The following DGKB variants were observed in gnomAD, a reference collection of about 807,000 sequenced individuals.
DGKB encodes the protein diacylglycerol kinase beta.
DGKB carries 67 observed loss-of-function variants against 114.3 expected under a neutral mutation model. The observed-to-expected ratio is 0.59, with a 90% CI of 0.48 to 0.72. DGKB has a LOEUF of 0.72. Ranked by LOEUF, DGKB falls within the 30% of genes least tolerant of loss-of-function variation. The pLI, the probability that DGKB is intolerant of heterozygous loss-of-function variation, is 0.00. For missense variants in DGKB, 907 were observed against 975.2 expected (o/e 0.93, Z 0.93); for synonymous variants, 398 against 323.1 (o/e 1.23, Z -2.49).
chr7:14,754,633 A>G (rs970559773), intron 3 of DGKB, among the ~76,000 whole-genome samples: 1 of 152,128 alleles, frequency 6.6e-6, no homozygotes, highest in African/African-American at 2.4e-5. Flanking sequence ...ACCAAATTCT[A>G]CTGCTCTCAG....
intron 12 of DGKB, among the ~76,000 whole-genome samples, chr7:14,675,249 T>C (rs775665427): frequency 6.6e-6 from 1 of 152,132 alleles, no homozygotes; most frequent in Non-Finnish European, 1.5e-5. Context: ...CTGAGTCTTA[T>C]GCCAACGCTG....
At position 14,366,796 on chromosome 7, in the gene DGKB, G is replaced by C. The variant is rs17168109; in HGVS notation, c.1836-21405C>G. ...AGTAAAAGCTAAGTATCAGATTTGA[G>C]CTTCAATTTTCTTCAAAGATTTTCT... On this transcript the variant is annotated intron_variant, in intron 21 of 25. Coordinates refer to ENST00000402815, the MANE Select transcript of DGKB (RefSeq NM_001350709.2). 5.3e-5 allele frequency among the ~76,000 whole-genome samples: 8 copies of C among 152,020 alleles called. No homozygotes were observed. In the East Asian group the frequency reaches 1.6e-3, roughly 30 times the overall value.
chr7:14,699,421 C>A (rs889690867), intron 7 of DGKB, among the ~76,000 whole-genome samples: 1 of 151,968 alleles, frequency 6.6e-6, no homozygotes, highest in Admixed American at 6.6e-5. Flanking sequence ...ATTAGGTAAG[C>A]CACCCCACCT....
In DGKB at chr7:14,272,881, A is replaced by G. The variant is rs77255198; in HGVS notation, c.2122+65634T>C. Among the ~76,000 whole-genome samples, 1,245 of 152,338 alleles carry G rather than the reference A, an allele frequency of 8.2e-3. 20 individuals are homozygous for G. The highest frequency in any genetic ancestry group is 0.029 in the African/African-American group (1,207 of 41,568). Reference sequence around the variant, plus strand: ...TAATGAGTTTGAAAGGAAAAAAAAGATATAAAATGTGTAGGTTTGCATGTT... The same window carrying G: ...TAATGAGTTTGAAAGGAAAAAAAAGGTATAAAATGTGTAGGTTTGCATGTT... On this transcript the variant is annotated intron_variant, in intron 23 of 25. Transcript: ENST00000402815.
chr7:14,605,700 G>T (rs1183121480), intron 17 of DGKB, among the ~76,000 whole-genome samples: 2 of 152,018 alleles, frequency 1.3e-5, no homozygotes, highest in Non-Finnish European at 2.9e-5. Flanking sequence ...GGAAAAAAGT[G>T]AGATGAGAGA....
At chr7:14,548,131 A>T (rs897773114) in intron 20 of DGKB, among the ~76,000 whole-genome samples, 1 of 152,202 alleles carries the variant, frequency 6.6e-6, no homozygotes, top group Non-Finnish European at 1.5e-5. Context: ...CATGAGAAAG[A>T]GCTAAAGAAG....
At chr7:14,475,506 A>G (rs988812191) in intron 21 of DGKB, among the ~76,000 whole-genome samples, 1 of 152,134 alleles carries the variant, frequency 6.6e-6, no homozygotes, top group Non-Finnish European at 1.5e-5. Context: ...TAATATATGG[A>G]ATTCTGTGGC....
At chr7:14,380,108 G>A (rs530178956) in intron 21 of DGKB, among the ~76,000 whole-genome samples, 22 of 152,150 alleles carry the variant, frequency 1.4e-4, no homozygotes, top group South Asian at 8.3e-4. Flanking sequence ...TACATGTTGC[G>A]TACTTCGCTA....
At chr7:14,687,078 G>A (rs994232877) in intron 9 of DGKB, among the ~76,000 whole-genome samples, 10 of 152,072 alleles carry the variant, frequency 6.6e-5, no homozygotes, top group South Asian at 2.1e-4. Context: ...TTTCCAAAAC[G>A]TGATGCTGTG....
At chr7:14,524,111 T>C (rs1472387328) in intron 20 of DGKB, among the ~76,000 whole-genome samples, 5 of 152,334 alleles carry the variant, frequency 3.3e-5, no homozygotes, top group African/African-American at 9.6e-5. Context: ...TAACGAATAC[T>C]GAGAAACTCA....
At chr7:14,888,781 A>T (rs1780720490) in intron 1 of DGKB, among the ~76,000 whole-genome samples, 1 of 151,700 alleles carries the variant, frequency 6.6e-6, no homozygotes, top group Admixed American at 6.6e-5. Flanking sequence ...TTAAGTTTCA[A>T]AGTTGGCTAC....
At chr7:14,262,866 C>T (rs1343583330) in intron 23 of DGKB, among the ~76,000 whole-genome samples, 1 of 152,056 alleles carries the variant, frequency 6.6e-6, no homozygotes, top group Non-Finnish European at 1.5e-5. Context: ...GGTCATTGCC[C>T]AGGGAACCAA....
chr7:14,392,995 G>GTTTTTGTTTTTTGTTTTTTTTTTTTTTTT, intron 21 of DGKB, among the ~76,000 whole-genome samples: 3 of 60,548 alleles, frequency 5.0e-5, no homozygotes, highest in African/African-American at 1.5e-4. Context: ...TTTTGTTTTT[G>GTTTTTGTTTTTTGTTTTTTTTTTTTTTTT]TTTTTTTTTT....
chr7:14,777,424 A>G (rs1838365113), intron 2 of DGKB, among the ~76,000 whole-genome samples: 1 of 152,166 alleles, frequency 6.6e-6, no homozygotes, highest in South Asian at 2.1e-4. Context: ...TGTAGTTTCC[A>G]TAATCCCCAC....
chr7:14,444,708 A>C (rs1830506389), intron 21 of DGKB, among the ~76,000 whole-genome samples: 1 of 151,916 alleles, frequency 6.6e-6, no homozygotes, highest in Non-Finnish European at 1.5e-5. Flanking sequence ...TCCTATTACT[A>C]TCCCCACTTT....
At chr7:14,172,473 C>T (rs1781142352) in intron 25 of DGKB, among the ~76,000 whole-genome samples, 1 of 152,086 alleles carries the variant, frequency 6.6e-6, no homozygotes, top group Non-Finnish European at 1.5e-5. Context: ...AGAAATAGGT[C>T]ATATCATTAT....
chr7:14,510,972 T>C (rs1158520554), intron 20 of DGKB, among the ~76,000 whole-genome samples: 2 of 152,190 alleles, frequency 1.3e-5, no homozygotes, highest in African/African-American at 2.4e-5. Flanking sequence ...CAGTAAACAA[T>C]GCTGTAAACA....
At chr7:14,514,623 T>C (rs1788487954) in intron 20 of DGKB, among the ~76,000 whole-genome samples, 2 of 152,326 alleles carry the variant, frequency 1.3e-5, no homozygotes, top group South Asian at 4.1e-4. Flanking sequence ...CTCATCAGAA[T>C]CACATATATT....
chr7:14,453,568 C>T (rs1410614476), intron 21 of DGKB, among the ~76,000 whole-genome samples: 5 of 152,128 alleles, frequency 3.3e-5, no homozygotes, highest in Non-Finnish European at 4.4e-5. Flanking sequence ...TCCATTGTAT[C>T]GTTCTCTGTA....
Sources: gnomAD v4.1 joint callset for allele counts (sites outside exome capture counted in the v4.1 genomes callset) on GRCh38, gnomAD v4.1.1 for gene constraint, MANE v1.5 for transcripts, NCBI Gene and HGNC (gene_info 2026-07-23, HGNC 2026-07-21) for gene names.